Variants in NECAB2 observed in about 807,000 individuals in gnomAD.
NECAB2 encodes the protein N-terminal EF-hand calcium-binding protein 2.
Under a neutral mutation model 51.9 loss-of-function variants are expected in NECAB2, and 68 were observed. The observed-to-expected ratio is 1.31, with a 90% CI of 1.08 to 1.60. The LOEUF (loss-of-function observed/expected upper bound fraction) is 1.60. NECAB2 is among the 40% of genes most tolerant of loss of function. The probability of loss-of-function intolerance (pLI) is 0.00; values close to 1 mark genes in which losing one functional copy is unlikely to be tolerated. For missense variants in NECAB2, 854 were observed against 490.3 expected (o/e 1.74, Z -7.00); for synonymous variants, 329 against 203.5 (o/e 1.62, Z -5.25).
chr16:83,998,035 CCTTT>C (rs1026502669), intron 9 of NECAB2, among the ~76,000 whole-genome samples, 166 bp from the exon 10 acceptor site: 10 of 152,054 alleles, frequency 6.6e-5, no homozygotes, highest in East Asian at 1.9e-4. Context: ...AGGTTCTAGT[CCTTT>C]CTTAGCCCAT....
Position 83,982,881 on chromosome 16 carries a change from T to G in NECAB2, c.459+1754T>G, listed in dbSNP as rs1169591015. On this transcript the variant is annotated intron_variant, in intron 5 of 12. Transcript: ENST00000305202. ...GTTTTCTTTTTCTTTTTCTTTTTCT[T>G]TTTTTTTGAGACAGAGTCTCACTCT... 7.2e-5 allele frequency among the ~76,000 whole-genome samples: 11 copies of G among 151,760 alleles called. 1 individual carries two copies. The highest frequency in any genetic ancestry group is 1.5e-5 in the Non-Finnish European group (1 of 67,966).
At chr16:83,984,705 G>T (rs112966126) in intron 5 of NECAB2, among the ~76,000 whole-genome samples, 1 of 152,092 alleles carries the variant, frequency 6.6e-6, no homozygotes, top group African/African-American at 2.4e-5. Flanking sequence ...AACCCAACCT[G>T]GGTGACAAGA....
chr16:83,987,525 G>C (rs1239466217), intron 5 of NECAB2, among the ~76,000 whole-genome samples: 1 of 152,102 alleles, frequency 6.6e-6, no homozygotes, highest in Non-Finnish European at 1.5e-5. Flanking sequence ...CTAACCACTG[G>C]TAACATTTTA....
intron 11 of NECAB2, among the ~76,000 whole-genome samples, chr16:84,001,378 C>T (rs1036332213): frequency 1.5e-4 from 23 of 152,242 alleles, no homozygotes; most frequent in African/African-American, 5.1e-4. Flanking sequence ...CCCTGGTAAA[C>T]ACTCACGGTT....
chr16:83,974,752 T>C (rs775241276), intron 2 of NECAB2, among the ~76,000 whole-genome samples: 17 of 151,950 alleles, frequency 1.1e-4, no homozygotes, highest in Non-Finnish European at 2.4e-4. Flanking sequence ...TGGGACTTGG[T>C]GTGGGTATAG....
At chr16:83,998,807 C>T (rs2084761268) in intron 10 of NECAB2, among the ~76,000 whole-genome samples, 1 of 151,754 alleles carries the variant, frequency 6.6e-6, no homozygotes, top group Non-Finnish European at 1.5e-5. Context: ...CCCTTCTCCC[C>T]CTGATGTGCT....
chr16:83,972,096 A>G (rs2084355688), intron 1 of NECAB2, 55 bp from the exon 2 acceptor site: 2 of 1,608,614 alleles, frequency 1.2e-6, no homozygotes, highest in Admixed American at 3.3e-5. Context: ...CAGAGGCTGC[A>G]GGAAGCGCTT....
At position 83,994,719 on chromosome 16, in the gene NECAB2, C is replaced by A. The variant is rs767946665; in HGVS notation, c.795+31C>A. ...CCCTGGCCTGACCACGGCGTCTACT[C>A]CTTCCAACCCCTGAGGGAGTGCAGA... On this transcript the variant is annotated intron_variant, in intron 8 of 12. Transcript: ENST00000305202. The A allele has an allele frequency of 3.1e-6, 5 of 1,609,684 alleles. No homozygotes were observed. The Admixed American group carries it at 8.4e-5, about 27-fold the overall frequency.
At chr16:84,000,893 A>G (rs1597233128) in intron 11 of NECAB2, 92 bp downstream of exon 11, 5 of 1,288,622 alleles carry the variant, frequency 3.9e-6, no homozygotes, top group Non-Finnish European at 4.5e-6. Flanking sequence ...AGGGGAGGGT[A>G]AGGCCGAGTC....
intron 9 of NECAB2, 100 bp from the exon 10 acceptor site, chr16:83,998,100 GTTATT>G (rs1185186722): frequency 2.6e-5 from 25 of 973,456 alleles, no homozygotes; most frequent in East Asian, 5.2e-5. Context: ...GTGGGGGAGG[GTTATT>G]TTATTTTGAC....
chr16:83,974,112 C>A (rs1247239856), intron 2 of NECAB2, among the ~76,000 whole-genome samples: 2 of 152,074 alleles, frequency 1.3e-5, no homozygotes, highest in African/African-American at 4.8e-5. Context: ...GTTCCTTCTC[C>A]TTGGGGCTTA....
chr16:84,002,554 A>C lies in NECAB2; in HGVS notation c.*208A>C, dbSNP rs1218112846. ...GTGTCTGTGCTGCCAGGTCCTGGTG[A>C]AGCCCAAGGTTGAAGGGGGCGGCTT... is the stretch of plus-strand genomic sequence containing the variant. On this transcript the variant is annotated 3_prime_UTR_variant, in exon 13 of 13. Coordinates refer to ENST00000305202, the MANE Select transcript of NECAB2 (RefSeq NM_019065.3). 3 of 659,746 alleles carry C rather than the reference A, an allele frequency of 4.5e-6. No homozygotes were observed. The African/African-American group carries it at 5.5e-5, about 12-fold the overall frequency. The allele number at this position is 659,746 out of a possible 1,614,324, so 40.9% of individuals were successfully genotyped here.
intron 5 of NECAB2, among the ~76,000 whole-genome samples, chr16:83,982,085 G>C (rs1211441264): frequency 1.3e-5 from 2 of 152,186 alleles, no homozygotes; most frequent in Admixed American, 6.5e-5. Context: ...TAAGGCCTCT[G>C]AGCTATTGAG....
rs2084814179 is a variant in NECAB2 at position 84,000,778 on chromosome 16, G to A, written c.1017G>A (p.Trp339Ter). 2 of 1,613,730 alleles carry A rather than the reference G, an allele frequency of 1.2e-6. No homozygotes were observed. Among genetic ancestry groups the A allele is most frequent in the East Asian group, 2.2e-5 (1 of 44,876 alleles). Residue 339 changes from tryptophan to a stop codon, truncating the protein, a stop_gained, in exon 11 of 13, where the codon TGG becomes TGA. Transcript: ENST00000305202. LOFTEE classifies it high-confidence loss of function. ...TCACCTTTGTCATCTATGAGTTCTGGGAGACAGAGGAGGCGTGGAAGAGGT... is the reference window on the plus strand; with the variant it reads ...TCACCTTTGTCATCTATGAGTTCTGAGAGACAGAGGAGGCGTGGAAGAGGT... ...DGFTFVIYEF[W>*]ETEEAWKRHL...
rs892037793 is a variant in NECAB2 at position 83,990,368 on chromosome 16, G to C, written c.460-126G>C. 2.6e-5 allele frequency: 33 copies of C among 1,247,792 alleles called. No individual in the cohort carries two copies. In the Admixed American group the frequency reaches 6.4e-4, roughly 24 times the overall value. The allele number at this position is 1,247,792 out of a possible 1,614,324, so 77.3% of individuals were successfully genotyped here. On this transcript the variant is annotated intron_variant, in intron 5 of 12. Transcript: ENST00000305202. ...AAGACTGGACCCCAGGAGGCCGTGG[G>C]GTCCTCCCTTCCCTTTGCAAAGCAA...
intron 10 of NECAB2, among the ~76,000 whole-genome samples, chr16:83,999,429 G>A (rs1460801320): frequency 6.6e-6 from 1 of 152,126 alleles, no homozygotes; most frequent in African/African-American, 2.4e-5. Flanking sequence ...AGAGGCTCTG[G>A]TTTGTCGAGT....
rs1482851274 is a variant in NECAB2 at position 84,002,362 on chromosome 16, C to CCGTGGAGGAG, written c.*18_*27dup. The CCGTGGAGGAG allele has an allele frequency of 1.2e-6, 2 of 1,613,460 alleles. No homozygotes were observed. Among genetic ancestry groups the CCGTGGAGGAG allele is most frequent in the Non-Finnish European group, 1.7e-6 (2 of 1,179,724 alleles). ...ACGGGACTGACAGCCTCCCAGAGGC[C>CCGTGGAGGAG]CGTGGAGGAGCCCACCAGCCCCTTC... On this transcript the variant is annotated 3_prime_UTR_variant, in exon 13 of 13. Coordinates refer to ENST00000305202, the MANE Select transcript of NECAB2 (RefSeq NM_019065.3).
chr16:83,990,431 G>C (rs541709503), intron 5 of NECAB2, 63 bp from the exon 6 acceptor site: 3 of 1,590,314 alleles, frequency 1.9e-6, no homozygotes, highest in African/African-American at 1.3e-5. Flanking sequence ...TCCTGTGCTA[G>C]ACCCCACCTC....
upstream of NECAB2, chr16:83,965,865 C>T (rs1182533432): frequency 2.5e-6 from 4 of 1,612,858 alleles, no homozygotes; most frequent in Non-Finnish European, 3.4e-6. Context: ...GACGTGGACC[C>T]CTTCACCTAC....
Sources: gnomAD v4.1 joint callset for allele counts (sites outside exome capture counted in the v4.1 genomes callset) on GRCh38, gnomAD v4.1.1 for gene constraint, MANE v1.5 for transcripts, NCBI Gene and HGNC (gene_info 2026-07-23, HGNC 2026-07-21) for gene names.